ADAMTSL1: variants seen among roughly 807,000 people sequenced by gnomAD.
ADAMTSL1 encodes ADAMTS-like protein 1.
A neutral mutation model predicts 201.8 loss-of-function variants in ADAMTSL1; 126 were observed. The ratio of observed to expected loss-of-function variants is 0.62; its 90% CI spans 0.54 to 0.72. The LOEUF (loss-of-function observed/expected upper bound fraction) is 0.72, where lower values mean the gene tolerates loss of function less well. Among genes scored for constraint, ADAMTSL1 ranks in the 30% least tolerant of loss-of-function variants. The probability of loss-of-function intolerance (pLI) is 0.00; values close to 1 mark genes in which losing one functional copy is unlikely to be tolerated. For missense variants in ADAMTSL1, 2,679 were observed against 2,277.8 expected (o/e 1.18, Z -3.59); for synonymous variants, 1,121 against 903.4 (o/e 1.24, Z -4.32).
intron 2 of ADAMTSL1, among the ~76,000 whole-genome samples, chr9:18,258,949 A>G (rs1213030899): frequency 6.6e-6 from 1 of 152,200 alleles, no homozygotes; most frequent in African/African-American, 2.4e-5. Context: ...AACATTCCTC[A>G]GTCCTTACCA....
chr9:18,087,430 C>A (rs985659722), intron 1 of ADAMTSL1, among the ~76,000 whole-genome samples: 1 of 152,048 alleles, frequency 6.6e-6, no homozygotes, highest in African/African-American at 2.4e-5. Flanking sequence ...TCCTAGGTCA[C>A]TTAAAGTGAA....
At chr9:18,362,734 C>T (rs1221652253) in intron 2 of ADAMTSL1, among the ~76,000 whole-genome samples, 1 of 152,194 alleles carries the variant, frequency 6.6e-6, no homozygotes, top group African/African-American at 2.4e-5. Flanking sequence ...CTGAATGAGT[C>T]TTTCATCAGT....
intron 2 of ADAMTSL1, among the ~76,000 whole-genome samples, chr9:18,246,862 C>G (rs543112229): frequency 6.6e-6 from 1 of 151,974 alleles, no homozygotes; most frequent in Non-Finnish European, 1.5e-5. Flanking sequence ...TTCAGTAGGC[C>G]CAATGTAATA....
chr9:17,943,880 C>G (rs1827344086), intron 1 of ADAMTSL1, among the ~76,000 whole-genome samples: 2 of 151,978 alleles, frequency 1.3e-5, no homozygotes, highest in Non-Finnish European at 1.5e-5. Context: ...AGGAAGCTTA[C>G]AGTCATGGCA....
chr9:18,091,132 T>A (rs1587022922), intron 1 of ADAMTSL1, among the ~76,000 whole-genome samples: 1 of 152,032 alleles, frequency 6.6e-6, no homozygotes, highest in Non-Finnish European at 1.5e-5. Context: ...TGGATATAAA[T>A]TGGTAGTCAA....
upstream of ADAMTSL1, among the ~76,000 whole-genome samples, chr9:18,470,925 T>C (rs1369598328): frequency 6.6e-6 from 1 of 152,222 alleles, no homozygotes; most frequent in Non-Finnish European, 1.5e-5. Context: ...CGGCTTCTGC[T>C]AGTGCTGCTG....
At chr9:18,755,652 AC>A (rs1482303569) in intron 16 of ADAMTSL1, among the ~76,000 whole-genome samples, 1 of 152,086 alleles carries the variant, frequency 6.6e-6, no homozygotes, top group Non-Finnish European at 1.5e-5. Flanking sequence ...CATCACCACC[AC>A]CTGTATGCCC....
At chr9:18,614,521 C>T (rs1210537452) in intron 4 of ADAMTSL1, among the ~76,000 whole-genome samples, 1 of 152,132 alleles carries the variant, frequency 6.6e-6, no homozygotes, top group South Asian at 2.1e-4. Flanking sequence ...AGCTATGTAT[C>T]TAAAAATAGC....
intron 21 of ADAMTSL1, among the ~76,000 whole-genome samples, chr9:18,822,769 A>G (rs1473215635): frequency 6.6e-6 from 1 of 152,160 alleles, no homozygotes; most frequent in African/African-American, 2.4e-5. Context: ...AAAATGTTTG[A>G]CTTATAGCAA....
chr9:18,054,559 G>T (rs949588024), intron 1 of ADAMTSL1, among the ~76,000 whole-genome samples: 11 of 152,122 alleles, frequency 7.2e-5, no homozygotes, highest in African/African-American at 2.7e-4. Flanking sequence ...GGTCCTATTA[G>T]GCCAGGTCGA....
chr9:18,816,510 T>A (rs1410719162), intron 20 of ADAMTSL1, among the ~76,000 whole-genome samples: 5 of 152,180 alleles, frequency 3.3e-5, no homozygotes, highest in African/African-American at 1.2e-4. Context: ...GTGCTGGGAC[T>A]ACAGGCATGA....
chr9:18,511,783 G>A (rs759770717), intron 2 of ADAMTSL1, among the ~76,000 whole-genome samples: 16 of 152,076 alleles, frequency 1.1e-4, no homozygotes, highest in Non-Finnish European at 2.2e-4. Flanking sequence ...TTTCTATACC[G>A]TATAATAATA....
chr9:18,681,394 T>C (rs1830460618), intron 11 of ADAMTSL1: 1 of 152,520 alleles, frequency 6.6e-6, no homozygotes, highest in Non-Finnish European at 1.5e-5. Context: ...AATTTTTTGA[T>C]ATCCATGTAG....
intron 1 of ADAMTSL1, among the ~76,000 whole-genome samples, chr9:17,974,055 C>T (rs1818333295): frequency 1.3e-5 from 2 of 152,076 alleles, no homozygotes; most frequent in South Asian, 2.1e-4. Flanking sequence ...ACCCTTCATG[C>T]TAAAAACTCT....
At chr9:18,492,718 A>G (rs1256780851) in intron 1 of ADAMTSL1, among the ~76,000 whole-genome samples, 1 of 152,238 alleles carries the variant, frequency 6.6e-6, no homozygotes, top group Non-Finnish European at 1.5e-5. Flanking sequence ...CTTAAATGAA[A>G]TAGACTAATT....
At chr9:18,553,499 A>C (rs962169600) in intron 3 of ADAMTSL1, among the ~76,000 whole-genome samples, 17 of 151,744 alleles carry the variant, frequency 1.1e-4, no homozygotes, top group Non-Finnish European at 2.1e-4. Context: ...ATACTTGAAA[A>C]CATTCCACTT....
At chr9:18,357,487 A>C (rs1490790960) in intron 2 of ADAMTSL1, among the ~76,000 whole-genome samples, 1 of 152,168 alleles carries the variant, frequency 6.6e-6, no homozygotes, top group East Asian at 1.9e-4. Flanking sequence ...TTTTAACCAG[A>C]GGAATACTTC....
chr9:18,251,857 A>T (rs10810935), intron 2 of ADAMTSL1, among the ~76,000 whole-genome samples: 46 of 152,216 alleles, frequency 3.0e-4, no homozygotes, highest in African/African-American at 1.1e-3. Context: ...TGGCATTTCA[A>T]TTCAGTGGGA....
intron 2 of ADAMTSL1, among the ~76,000 whole-genome samples, chr9:18,169,529 C>A (rs1284371443): frequency 2.0e-5 from 3 of 151,988 alleles, no homozygotes; most frequent in African/African-American, 4.8e-5. Context: ...GTTACTGTAG[C>A]CTTGTAGTAT....
Sources: allele counts gnomAD v4.1 joint callset (sites outside exome capture counted in the v4.1 genomes callset), GRCh38; gene constraint gnomAD v4.1.1; transcripts MANE v1.5; gene names NCBI Gene and HGNC (gene_info 2026-07-23, HGNC 2026-07-21).